Variants in CTNNA3 observed in about 807,000 individuals in gnomAD.
CTNNA3 encodes the protein catenin alpha 3, also known as catenin alpha-3.
In CTNNA3, 76 loss-of-function variants were observed where a neutral mutation model predicts 95.7. That is an observed-to-expected ratio of 0.79 (90% confidence interval 0.66 to 0.96). The LOEUF is 0.96. Among genes scored for constraint, CTNNA3 ranks in the 40% least tolerant of loss-of-function variants. The pLI is 0.00. For missense variants in CTNNA3, 1,191 were observed against 1,089.8 expected, an observed-to-expected ratio of 1.09 and a Z score of -1.31; for synonymous variants, 431 against 374.4, an observed-to-expected ratio of 1.15 and a Z score of -1.74.
At chr10:67,369,769 C>A (rs985376807) in intron 5 of CTNNA3, among the ~76,000 whole-genome samples, 3 of 152,142 alleles carry the variant, frequency 2.0e-5, no homozygotes, top group Non-Finnish European at 2.9e-5. Context: ...TAGATAATAT[C>A]TTTTGCCTAT....
intron 3 of CTNNA3, among the ~76,000 whole-genome samples, chr10:67,605,933 A>G (rs376596712): frequency 5.9e-5 from 9 of 152,346 alleles, no homozygotes; most frequent in African/African-American, 2.2e-4. Context: ...GGCCTCCCAA[A>G]GTGCTGGGAT....
At chr10:66,181,306 G>T (rs1356904596) in intron 13 of CTNNA3, among the ~76,000 whole-genome samples, 1 of 151,968 alleles carries the variant, frequency 6.6e-6, no homozygotes, top group Admixed American at 6.6e-5. Context: ...TCAGTACTTG[G>T]ATTTGTGCTG....
At chr10:67,004,947 C>G (rs189940876) in intron 7 of CTNNA3, among the ~76,000 whole-genome samples, 43 of 152,136 alleles carry the variant, frequency 2.8e-4, no homozygotes, top group African/African-American at 1.0e-3. Flanking sequence ...TGTATTACCC[C>G]CAAAGAAAAG....
At chr10:66,520,522 C>A in intron 11 of CTNNA3, 95 bp downstream of exon 11, 1 of 1,117,560 alleles carries the variant, frequency 8.9e-7, no homozygotes, top group Admixed American at 2.6e-5. Context: ...AAAGTGTTGG[C>A]ATTACAGGCA....
chr10:66,241,594 T>C (rs1324742569), intron 13 of CTNNA3, among the ~76,000 whole-genome samples: 7 of 152,104 alleles, frequency 4.6e-5, no homozygotes, highest in East Asian at 1.9e-4. Flanking sequence ...GAGACTATTA[T>C]GTGACTGTGG....
intron 7 of CTNNA3, among the ~76,000 whole-genome samples, chr10:66,948,230 TCAGA>T (rs1848372490): frequency 6.6e-6 from 1 of 152,194 alleles, no homozygotes; most frequent in Non-Finnish European, 1.5e-5. Flanking sequence ...TGAACTGTGA[TCAGA>T]CAGACTGAAA....
chr10:67,161,942 A>C (rs1371471046), intron 7 of CTNNA3, among the ~76,000 whole-genome samples: 1 of 152,158 alleles, frequency 6.6e-6, no homozygotes, highest in Non-Finnish European at 1.5e-5. Flanking sequence ...GGGAGACATT[A>C]CATAATATTA....
At chr10:65,928,587 T>C (rs948630532) in intron 17 of CTNNA3, among the ~76,000 whole-genome samples, 2 of 152,222 alleles carry the variant, frequency 1.3e-5, no homozygotes, top group African/African-American at 4.8e-5. Context: ...ATATTTCTTA[T>C]ATAAATTGTA....
intron 13 of CTNNA3, among the ~76,000 whole-genome samples, chr10:66,260,331 A>T (rs1394778608): frequency 1.3e-5 from 2 of 152,024 alleles, no homozygotes; most frequent in Admixed American, 6.6e-5. Context: ...CCTAGTTGTC[A>T]TTTATTGCCT....
At chr10:66,697,689 A>C (rs1847814530) in intron 9 of CTNNA3, among the ~76,000 whole-genome samples, 2 of 152,122 alleles carry the variant, frequency 1.3e-5, no homozygotes, top group Admixed American at 1.3e-4. Flanking sequence ...ATAAATTAAA[A>C]CTTATTACAC....
chr10:67,657,543 G>A (rs1840059310), intron 1 of CTNNA3, among the ~76,000 whole-genome samples: 1 of 151,954 alleles, frequency 6.6e-6, no homozygotes, highest in Non-Finnish European at 1.5e-5. Context: ...TGCCCCTTCT[G>A]GACAGATGGA....
At chr10:67,222,229 C>T (rs1864695872) in intron 5 of CTNNA3, among the ~76,000 whole-genome samples, 1 of 152,142 alleles carries the variant, frequency 6.6e-6, no homozygotes, top group Non-Finnish European at 1.5e-5. Context: ...GTAGGGAGGA[C>T]AGTTAGAAGT....
chr10:67,347,398 G>T (rs188163283), intron 5 of CTNNA3, among the ~76,000 whole-genome samples: 1 of 151,968 alleles, frequency 6.6e-6, no homozygotes, highest in African/African-American at 2.4e-5. Context: ...AGCTCCTATT[G>T]TTGCATAATG....
intron 1 of CTNNA3, among the ~76,000 whole-genome samples, chr10:67,719,878 C>A (rs901682858): frequency 6.6e-6 from 1 of 151,926 alleles, no homozygotes; most frequent in African/African-American, 2.4e-5. Context: ...TCTCGTTGAT[C>A]TGTGTAATAT....
At chr10:66,628,195 A>C (rs1845005643) in intron 9 of CTNNA3, among the ~76,000 whole-genome samples, 1 of 152,166 alleles carries the variant, frequency 6.6e-6, no homozygotes, top group Non-Finnish European at 1.5e-5. Flanking sequence ...ATTTATCTCT[A>C]TCTGGAACTG....
intron 9 of CTNNA3, among the ~76,000 whole-genome samples, chr10:66,695,498 A>G (rs139817590): frequency 1.1e-3 from 163 of 152,326 alleles, no homozygotes; most frequent in African/African-American, 3.8e-3. Flanking sequence ...TAATATTCAC[A>G]TTGCTAGCAC....
chr10:66,442,440 T>A (rs2093381848), intron 11 of CTNNA3, among the ~76,000 whole-genome samples: 1 of 152,168 alleles, frequency 6.6e-6, no homozygotes, highest in Non-Finnish European at 1.5e-5. Context: ...AAAATAACTG[T>A]AAATATATTT....
rs189330419 is a variant in CTNNA3 at position 67,682,893 on chromosome 10, A to G, written c.-6+13107T>C. On this transcript the variant is annotated intron_variant, in intron 1 of 17. Coordinates refer to ENST00000433211, the MANE Select transcript of CTNNA3 (RefSeq NM_013266.4). ...TGCTACATACACAGAGTAAAACACG[A>G]CAAAGCTGCTGGAAAGAATGAGGCA... Among the ~76,000 whole-genome samples, 396 of 152,332 alleles carry G rather than the reference A, an allele frequency of 2.6e-3. 3 individuals carry two copies. Among genetic ancestry groups the G allele is most frequent in the South Asian group, 9.3e-3 (45 of 4,826 alleles).
At chr10:66,610,512 T>C (rs1295663383) in intron 10 of CTNNA3, among the ~76,000 whole-genome samples, 1 of 152,024 alleles carries the variant, frequency 6.6e-6, no homozygotes, top group Non-Finnish European at 1.5e-5. Context: ...TAAACATTTC[T>C]CAAAAGAAGA....
Sources: allele counts gnomAD v4.1 joint callset (sites outside exome capture counted in the v4.1 genomes callset), GRCh38; gene constraint gnomAD v4.1.1; transcripts MANE v1.5; gene names NCBI Gene and HGNC (gene_info 2026-07-23, HGNC 2026-07-21).